ZNF181: variants seen among roughly 807,000 people sequenced by gnomAD.
ZNF181 encodes zinc finger protein 181 (HHZ181).
In ZNF181, 8 loss-of-function variants were observed where a neutral mutation model predicts 11.9. That is an observed-to-expected ratio of 0.67 (90% CI 0.39 to 1.21). The LOEUF (loss-of-function observed/expected upper bound fraction) is 1.21. Among genes scored for constraint, ZNF181 ranks in the 50% most tolerant of loss-of-function variants. The pLI is 0.01. For missense variants in ZNF181, 542 were observed against 670.9 expected (o/e 0.81, Z 2.12); for synonymous variants, 202 against 221.1 (o/e 0.91, Z 0.77).
intron 1 of ZNF181, 94 bp downstream of exon 1, chr19:34,735,140 A>C: frequency 3.6e-6 from 5 of 1,398,480 alleles, no homozygotes; most frequent in African/African-American, 1.4e-5. Flanking sequence ...AACCAAGTCC[A>C]TTTAAGGGAC....
chr19:34,737,789 A>G lies in ZNF181; in HGVS notation c.10-1359A>G, dbSNP rs564043283. On this transcript the variant is annotated intron_variant, in intron 1 of 3. Coordinates refer to ENST00000492450, the MANE Select transcript of ZNF181 (RefSeq NM_001029997.4). ...CCTCAGATCATCAGGCATTAGTTCAATTCACATAAGGGGCGTGCAACCTTA... is the reference window on the plus strand; with the variant it reads ...CCTCAGATCATCAGGCATTAGTTCAGTTCACATAAGGGGCGTGCAACCTTA... Among the ~76,000 whole-genome samples, 3 of 152,292 alleles carry G rather than the reference A, an allele frequency of 2.0e-5. No homozygotes were observed. The South Asian group carries it at 6.2e-4, about 32-fold the overall frequency.
chr19:34,740,565 G>T, intron 3 of ZNF181, 46 bp from the exon 4 acceptor site: 2 of 1,352,108 alleles, frequency 1.5e-6, no homozygotes, highest in African/African-American at 1.8e-5. Context: ...TTTTCAAATA[G>T]TTAAAAAAAA....
At position 34,741,664 on chromosome 19, in the gene ZNF181, C is replaced by T; in HGVS notation, c.1283C>T (p.Thr428Ile). Reference sequence around the variant, plus strand: ...CTTGTTCAGCATCAGAGTATTCATACTGAAGAAAAACCCTTTGAATGTCAG... The same window carrying T: ...CTTGTTCAGCATCAGAGTATTCATATTGAAGAAAAACCCTTTGAATGTCAG... ...SFLVQHQSIH[T>I]EEKPFECQKC... The change falls in exon 4 of 4, where the codon ACT becomes ATT. Residue 428 changes from threonine to isoleucine, a missense_variant. Transcript: ENST00000492450. 1 of 1,613,680 alleles carries T rather than the reference C, an allele frequency of 6.2e-7. No homozygotes were observed.
Position 34,745,366 on chromosome 19 carries a change from C to T in ZNF181, c.*3269C>T, listed in dbSNP as rs975027181. On this transcript the variant is annotated 3_prime_UTR_variant, in exon 4 of 4. Transcript: ENST00000492450. ...CTCCATCTGTAAAATGATAATAAAG[C>T]TATCTCACAGCATTATTATGAAGAT... 6.6e-6 allele frequency: 1 copy of T among 152,154 alleles called. No homozygotes were observed. The highest frequency in any genetic ancestry group is 2.4e-5 in the African/African-American group (1 of 41,430). The allele number at this position is 152,154 out of a possible 1,614,324, so 9.4% of individuals were successfully genotyped here. A position where few individuals can be genotyped will look rare whatever the true frequency, so the allele number is the denominator to read the frequency against.
Position 34,741,226 on chromosome 19 carries a change from G to A in ZNF181, c.845G>A (p.Arg282Gln), listed in dbSNP as rs371657167. The A allele has an allele frequency of 6.2e-6, 10 of 1,613,954 alleles. No homozygotes were observed. The highest frequency in any genetic ancestry group is 1.3e-5 in the African/African-American group (1 of 75,022). Residue 282 changes from arginine to glutamine, a missense_variant, in exon 4 of 4, where the codon CGA becomes CAA. Physicochemically the swap from Arg to Gln is conservative, Grantham distance 43. Transcript: ENST00000492450. ...TTTAGCCATGGCTCATCCCTTACAC[G>A]ACATCTGATAAGCCATAGTGGAGAG... is the stretch of plus-strand genomic sequence containing the variant. ...KTFSHGSSLT[R>Q]HLISHSGEKP...
Position 34,744,348 on chromosome 19 carries a change from A to G in ZNF181, c.*2251A>G, listed in dbSNP as rs1276163177. 1 of 152,150 alleles carries G rather than the reference A, an allele frequency of 6.6e-6. No individual in the cohort carries two copies. Among genetic ancestry groups the G allele is most frequent in the Non-Finnish European group, 1.5e-5 (1 of 68,032 alleles). 9.4% of individuals were successfully genotyped at this position (152,150 alleles called of 1,614,324 possible). A position where few individuals can be genotyped will look rare whatever the true frequency, so the allele number is the denominator to read the frequency against. ...ATATTGAAATTCTGTGAAACATTGA[A>G]GGATCTTTGGAAGATTTATAATTAG... On this transcript the variant is annotated 3_prime_UTR_variant, in exon 4 of 4. Coordinates refer to ENST00000492450, the MANE Select transcript of ZNF181 (RefSeq NM_001029997.4).
At chr19:34,739,438 C>T in intron 2 of ZNF181, 85 bp from the exon 3 acceptor site, 1 of 1,572,084 alleles carries the variant, frequency 6.4e-7, no homozygotes, top group Non-Finnish European at 8.7e-7. Flanking sequence ...GATGAATACC[C>T]TTCATCCCTT....
chr19:34,737,503 ATATT>A (rs1390930984), intron 1 of ZNF181, among the ~76,000 whole-genome samples: 1 of 152,252 alleles, frequency 6.6e-6, no homozygotes, highest in Non-Finnish European at 1.5e-5. Flanking sequence ...CTATTATTGA[ATATT>A]TAAGCTTCCA....
chr19:34,739,491 C>T (rs777678781), intron 2 of ZNF181, 32 bp from the exon 3 acceptor site: 56 of 1,612,784 alleles, frequency 3.5e-5, no homozygotes, highest in Non-Finnish European at 4.3e-5. Flanking sequence ...TAGAGGACCA[C>T]GGCTTAAACA....
At position 34,740,688 on chromosome 19, in the gene ZNF181, A is replaced by C; in HGVS notation, c.307A>C (p.Ile103Leu). Residue 103 changes from isoleucine (I) to leucine (L), a missense_variant, in exon 4 of 4, where the codon ATA becomes CTA. By Grantham distance (5) the Ile-to-Leu change is conservative. Coordinates refer to ENST00000492450, the MANE Select transcript of ZNF181 (RefSeq NM_001029997.4). ...TGATGAAGATTCACCCCAAACAGTA[A>C]TAATAGAAAAAGTTGTAAAACAAAG... ...NYDEDSPQTV[I>L]IEKVVKQSYE... The C allele has an allele frequency of 6.2e-7, 1 of 1,612,492 alleles. No homozygotes were observed. Among genetic ancestry groups the C allele is most frequent in the Non-Finnish European group, 8.5e-7 (1 of 1,179,378 alleles).
intron 1 of ZNF181, among the ~76,000 whole-genome samples, chr19:34,737,178 G>A (rs1454655691): frequency 6.6e-6 from 1 of 152,196 alleles, no homozygotes; most frequent in East Asian, 1.9e-4. Flanking sequence ...TTGATTTAGT[G>A]ATTATTAAGT....
At chr19:34,739,407 T>C in intron 2 of ZNF181, 116 bp from the exon 3 acceptor site, 1 of 1,565,820 alleles carries the variant, frequency 6.4e-7, no homozygotes, top group South Asian at 1.2e-5. Flanking sequence ...GTGCCCTGCC[T>C]GAAGCTTATC....
rs1243852799 is a variant in ZNF181, at chr19:34,743,472, T to A, written c.*1375T>A. On this transcript the variant is annotated 3_prime_UTR_variant, in exon 4 of 4. Coordinates refer to ENST00000492450, the MANE Select transcript of ZNF181 (RefSeq NM_001029997.4). The stretch of plus-strand genomic sequence containing the variant: ...ATGAATCCTAAATGATGAACACTAA[T>A]TATGTAATGAGTACTACTCATGTAG... 1.3e-5 allele frequency: 2 copies of A among 152,208 alleles called. No individual in the cohort carries two copies. Among genetic ancestry groups the A allele is most frequent in the Non-Finnish European group, 2.9e-5 (2 of 68,040 alleles). The allele number at this position is 152,208 out of a possible 1,614,324, so 9.4% of individuals were successfully genotyped here.
chr19:34,735,572 C>T (rs1159200983), intron 1 of ZNF181, among the ~76,000 whole-genome samples: 1 of 152,194 alleles, frequency 6.6e-6, no homozygotes, highest in Non-Finnish European at 1.5e-5. Context: ...CTGCATCTGC[C>T]CTTAACCCTC....
At chr19:34,739,492 G>A (rs370314011) in intron 2 of ZNF181, 31 bp from the exon 3 acceptor site, 12 of 1,613,104 alleles carry the variant, frequency 7.4e-6, no homozygotes, top group Middle Eastern at 1.7e-4. Context: ...AGAGGACCAC[G>A]GCTTAAACAA....
In ZNF181 at chr19:34,736,132, G is replaced by C. The variant is rs143543928; in HGVS notation, c.9+1086G>C. ...TAGATGCTTAGTAAGTAATTGTGGAGTGAATAAGATGAGTAATGACGAACT... is the reference window on the plus strand; with the variant it reads ...TAGATGCTTAGTAAGTAATTGTGGACTGAATAAGATGAGTAATGACGAACT... On this transcript the variant is annotated intron_variant, in intron 1 of 3. Transcript: ENST00000492450. 8.0e-4 allele frequency: 562 copies of C among 703,058 alleles called. 2 individuals are homozygous for C. The African/African-American group carries it at 9.0e-3, about 11-fold the overall frequency. The allele number at this position is 703,058 out of a possible 1,614,324, so 43.6% of individuals were successfully genotyped here. A position where few individuals can be genotyped will look rare whatever the true frequency, so the allele number is the denominator to read the frequency against.
Position 34,741,126 on chromosome 19 carries a change from C to A in ZNF181, c.745C>A (p.Gln249Lys), listed in dbSNP as rs775501001. 1 of 1,614,028 alleles carries A rather than the reference C, an allele frequency of 6.2e-7. No homozygotes were observed. The highest frequency in any genetic ancestry group is 8.5e-7 in the Non-Finnish European group (1 of 1,179,956). The change falls in exon 4 of 4, where the codon CAG becomes AAG. Residue 249 changes from glutamine to lysine, a missense_variant. By Grantham distance (53) the Gln-to-Lys change is moderately conservative. Coordinates refer to ENST00000492450, the MANE Select transcript of ZNF181 (RefSeq NM_001029997.4). ...TGAATGTGGGAAAGCCTTTGGCAAA[C>A]AGTCAATCCTCAATCGCCACTGGAG... The part of the protein sequence containing the change: ...CSECGKAFGK[Q>K]SILNRHWRIH...
Position 34,743,284 on chromosome 19 carries a change from GAACAA to G in ZNF181, c.*1194_*1198del, listed in dbSNP as rs2069006451. On this transcript the variant is annotated 3_prime_UTR_variant, in exon 4 of 4. Coordinates refer to ENST00000492450, the MANE Select transcript of ZNF181 (RefSeq NM_001029997.4). ...ACATTTTGATAACCATTGTAATAAT[GAACAA>G]AACAAATCTGATCTTTTTCTCGCAG... 2 of 152,120 alleles carry G rather than the reference GAACAA, an allele frequency of 1.3e-5. No homozygotes were observed. The highest frequency in any genetic ancestry group is 6.6e-5 in the Admixed American group (1 of 15,264). 9.4% of individuals were successfully genotyped at this position (152,120 alleles called of 1,614,324 possible). A position where few individuals can be genotyped will look rare whatever the true frequency, so the allele number is the denominator to read the frequency against.
rs1365425173 is a variant in ZNF181, at chr19:34,742,658, A to C, written c.*561A>C. On this transcript the variant is annotated 3_prime_UTR_variant, in exon 4 of 4. Transcript: ENST00000492450. Reference sequence around the variant, plus strand: ...CTGGATTCTACAGGAGAGCAAATAAACATTATAATAAAATATGCATTTCTT... The same window carrying C: ...CTGGATTCTACAGGAGAGCAAATAACCATTATAATAAAATATGCATTTCTT... The C allele has an allele frequency of 6.6e-6, 1 of 152,266 alleles. No homozygotes were observed. Among genetic ancestry groups the C allele is most frequent in the Non-Finnish European group, 1.5e-5 (1 of 68,046 alleles). The allele number at this position is 152,266 out of a possible 1,614,324, so 9.4% of individuals were successfully genotyped here.
Sources: allele counts gnomAD v4.1 joint callset (sites outside exome capture counted in the v4.1 genomes callset), GRCh38; gene constraint gnomAD v4.1.1; transcripts MANE v1.5; gene names NCBI Gene and HGNC (gene_info 2026-07-23, HGNC 2026-07-21).